The following RETREG1 variants were observed in gnomAD, a reference collection of about 807,000 sequenced individuals.
RETREG1 encodes reticulophagy regulator 1.
In RETREG1, 44 loss-of-function variants were observed where a neutral mutation model predicts 54.8. The ratio of observed to expected loss-of-function variants is 0.80; its 90% CI spans 0.63 to 1.03. The LOEUF is 1.03. Ranked by LOEUF, RETREG1 falls within the 50% of genes least tolerant of loss-of-function variation. RETREG1 has a pLI of 0.00. For synonymous variants in RETREG1, 217 were observed against 238.5 expected, an observed-to-expected ratio of 0.91 and a Z score of 0.83; for missense variants, 554 against 605.1, an observed-to-expected ratio of 0.92 and a Z score of 0.89.
chr5:16,509,589 T>C (rs938921865), intron 3 of RETREG1, among the ~76,000 whole-genome samples: 9 of 152,190 alleles, frequency 5.9e-5, no homozygotes, highest in African/African-American at 2.2e-4. Context: ...GAGATTTCTT[T>C]AGGAATATAT....
At chr5:16,522,446 G>A (rs1255778629) in intron 3 of RETREG1, among the ~76,000 whole-genome samples, 1 of 152,168 alleles carries the variant, frequency 6.6e-6, no homozygotes, top group Non-Finnish European at 1.5e-5. Flanking sequence ...AAGGTGTCCA[G>A]TAAGTGGCTT....
At chr5:16,602,623 G>A (rs1234238373) in intron 1 of RETREG1, among the ~76,000 whole-genome samples, 1 of 152,216 alleles carries the variant, frequency 6.6e-6, no homozygotes, top group Non-Finnish European at 1.5e-5. Context: ...ATCATGACAA[G>A]GGAAGGGGGA....
chr5:16,558,911 C>T (rs12519785), intron 3 of RETREG1, among the ~76,000 whole-genome samples: 7 of 152,212 alleles, frequency 4.6e-5, no homozygotes, highest in Admixed American at 2.0e-4. Flanking sequence ...ATTTTTCTCA[C>T]TAAGTTCCAT....
chr5:16,548,625 A>G (rs1426978744), intron 3 of RETREG1, among the ~76,000 whole-genome samples: 1 of 152,250 alleles, frequency 6.6e-6, no homozygotes, highest in East Asian at 1.9e-4. Context: ...GTCATAATGT[A>G]TTCATTATTA....
At chr5:16,475,482 CAG>C (rs1738499003) in intron 8 of RETREG1, among the ~76,000 whole-genome samples, 1 of 152,166 alleles carries the variant, frequency 6.6e-6, no homozygotes, top group African/African-American at 2.4e-5. Flanking sequence ...AAGCACAAAA[CAG>C]TGTATTTACT....
chr5:16,561,117 G>A lies in RETREG1; in HGVS notation c.458+4646C>T, dbSNP rs1214199349. ...AGAGAAGTGAAGTTGGCAGGACCAC[G>A]AGCTGCAGGGTTGGGACCAGAATGA... On this transcript the variant is annotated intron_variant, in intron 3 of 8. Coordinates refer to ENST00000306320, the MANE Select transcript of RETREG1 (RefSeq NM_001034850.3). The surrounding 1 kb of genome is among the most constrained non-coding windows in gnomAD (Gnocchi z 4.2). Among the ~76,000 whole-genome samples, 2 of 152,254 alleles carry A rather than the reference G, an allele frequency of 1.3e-5. No individual in the cohort carries two copies. The highest frequency in any genetic ancestry group is 4.8e-5 in the African/African-American group (2 of 41,544).
At chr5:16,589,536 T>C (rs1003696722) in intron 1 of RETREG1, among the ~76,000 whole-genome samples, 24 of 152,126 alleles carry the variant, frequency 1.6e-4, no homozygotes, top group African/African-American at 5.5e-4. Context: ...CAGTTAACTT[T>C]TATATTTTTA....
At chr5:16,477,624 A>G (rs1738591462) in intron 8 of RETREG1, 38 bp downstream of exon 8, 1 of 1,592,576 alleles carries the variant, frequency 6.3e-7, no homozygotes, top group Non-Finnish European at 8.6e-7. Context: ...TTTTGTATGC[A>G]CTCATAAAAA....
intron 1 of RETREG1, among the ~76,000 whole-genome samples, chr5:16,613,605 C>G (rs934870537): frequency 3.3e-5 from 5 of 152,166 alleles, no homozygotes; most frequent in African/African-American, 1.2e-4. Context: ...ACTCCTAAAA[C>G]CCACTGCTAA....
intron 3 of RETREG1, among the ~76,000 whole-genome samples, chr5:16,540,408 G>C (rs1355809147): frequency 1.3e-5 from 2 of 152,182 alleles, no homozygotes; most frequent in Non-Finnish European, 2.9e-5. Context: ...GGCAAATACA[G>C]GGCAGGGCTA....
At chr5:16,591,881 G>C (rs531595959) in intron 1 of RETREG1, among the ~76,000 whole-genome samples, 1 of 152,318 alleles carries the variant, frequency 6.6e-6, no homozygotes, top group East Asian at 1.9e-4. Context: ...GAAGGTGGCA[G>C]CTCCTCAGCA....
At chr5:16,602,382 G>C (rs576704553) in intron 1 of RETREG1, among the ~76,000 whole-genome samples, 1 of 152,102 alleles carries the variant, frequency 6.6e-6, no homozygotes, top group Non-Finnish European at 1.5e-5. Context: ...CGAGCCCAGT[G>C]GGGTATCAGA....
At chr5:16,537,305 C>T (rs1561110994) in intron 3 of RETREG1, among the ~76,000 whole-genome samples, 2 of 152,204 alleles carry the variant, frequency 1.3e-5, no homozygotes, top group Non-Finnish European at 2.9e-5. Flanking sequence ...TGGGTTGAAA[C>T]CGCAGGCGTG....
At chr5:16,565,871 C>T (rs1270856170) in intron 2 of RETREG1, 78 bp from the exon 3 acceptor site, 4 of 1,461,574 alleles carry the variant, frequency 2.7e-6, no homozygotes, top group Admixed American at 3.8e-5. Flanking sequence ...CTGAACTAGT[C>T]CAAGCTATTT....
chr5:16,578,670 C>A (rs1020362608), intron 1 of RETREG1, among the ~76,000 whole-genome samples: 2 of 152,178 alleles, frequency 1.3e-5, no homozygotes, highest in Non-Finnish European at 2.9e-5. Flanking sequence ...TTAAATAGAT[C>A]TCATGCCAGG....
intron 3 of RETREG1, among the ~76,000 whole-genome samples, chr5:16,496,907 G>GA (rs1474939482): frequency 1.3e-5 from 2 of 152,164 alleles, no homozygotes; most frequent in African/African-American, 4.8e-5. Flanking sequence ...ATATGAAAAT[G>GA]AAATAACATG....
At chr5:16,509,190 G>T (rs1229272846) in intron 3 of RETREG1, among the ~76,000 whole-genome samples, 1 of 152,132 alleles carries the variant, frequency 6.6e-6, no homozygotes, top group Non-Finnish European at 1.5e-5. Context: ...GTACCTGTGA[G>T]GGTTGGGGGT....
At chr5:16,506,763 G>A (rs1017117047) in intron 3 of RETREG1, among the ~76,000 whole-genome samples, 5 of 151,952 alleles carry the variant, frequency 3.3e-5, no homozygotes, top group Non-Finnish European at 7.4e-5. Flanking sequence ...CACAGATAGG[G>A]AAAAAACAAA....
intron 1 of RETREG1, among the ~76,000 whole-genome samples, chr5:16,579,326 G>A (rs930419241): frequency 2.0e-5 from 3 of 152,132 alleles, no homozygotes; most frequent in South Asian, 2.1e-4. Context: ...CAAAGGAGAC[G>A]CAGGACCAGG....
Sources: gnomAD v4.1 joint callset for allele counts (sites outside exome capture counted in the v4.1 genomes callset) on GRCh38, gnomAD v4.1.1 for gene constraint, Gnocchi (gnomAD v3.1) non-coding constraint, MANE v1.5 for transcripts, NCBI Gene and HGNC (gene_info 2026-07-23, HGNC 2026-07-21) for gene names.